HPSE2: variants seen among roughly 807,000 people sequenced by gnomAD.
The protein encoded by HPSE2 is heparanase 2 (inactive).
HPSE2 carries 38 observed loss-of-function variants against 60.5 expected under a neutral mutation model. That is an observed-to-expected ratio of 0.63 (90% CI 0.48 to 0.82). The LOEUF (loss-of-function observed/expected upper bound fraction) is 0.82. HPSE2 is among the 40% of genes least tolerant of loss of function. The pLI, the probability that HPSE2 is intolerant of heterozygous loss-of-function variation, is 0.00. For synonymous variants in HPSE2, 295 were observed against 293.2 expected, an observed-to-expected ratio of 1.01 and a Z score of -0.06; for missense variants, 713 against 740.4, an observed-to-expected ratio of 0.96 and a Z score of 0.43.
intron 7 of HPSE2, among the ~76,000 whole-genome samples, chr10:98,633,911 T>A (rs942604447): frequency 1.3e-5 from 2 of 152,218 alleles, no homozygotes; most frequent in African/African-American, 4.8e-5. Flanking sequence ...GCTTACATTC[T>A]TCATCATCAT....
chr10:98,600,615 G>C (rs1403870187), intron 9 of HPSE2, among the ~76,000 whole-genome samples: 1 of 151,744 alleles, frequency 6.6e-6, no homozygotes, highest in Non-Finnish European at 1.5e-5. Context: ...AGGAAAAAAA[G>C]ACAAACAGAT....
intron 3 of HPSE2, among the ~76,000 whole-genome samples, chr10:98,805,575 AT>A (rs1293662661): frequency 5.3e-5 from 8 of 152,198 alleles, no homozygotes; most frequent in Admixed American, 2.6e-4. Context: ...GATTAAAAAA[AT>A]AAAGAGATGG....
intron 4 of HPSE2, among the ~76,000 whole-genome samples, chr10:98,742,963 C>T (rs1855983): frequency 0.95 from 137,247 of 145,230 alleles, 65,331 homozygotes; most frequent in Non-Finnish European, 1. Flanking sequence ...TCTTTTTTTT[C>T]CTTTTCTTTT....
At chr10:98,953,369 C>T (rs964603370) in intron 3 of HPSE2, among the ~76,000 whole-genome samples, 5 of 152,158 alleles carry the variant, frequency 3.3e-5, no homozygotes, top group African/African-American at 7.2e-5. Context: ...ACTGTGACTA[C>T]GACCCTTTGG....
chr10:99,305,679 T>C, the HPSE2 span, among the ~76,000 whole-genome samples: 12 of 151,988 alleles, frequency 7.9e-5, no homozygotes, highest in African/African-American at 2.9e-4. Context: ...GACCCATAGG[T>C]CATACAGATA....
chr10:98,951,424 C>T (rs1955353654), intron 3 of HPSE2, among the ~76,000 whole-genome samples: 1 of 152,094 alleles, frequency 6.6e-6, no homozygotes, highest in Non-Finnish European at 1.5e-5. Context: ...AAGGAAGTGT[C>T]CCTCCTTTGC....
chr10:98,955,888 T>C (rs1955497741), intron 3 of HPSE2, among the ~76,000 whole-genome samples: 1 of 152,052 alleles, frequency 6.6e-6, no homozygotes, highest in African/African-American at 2.4e-5. Context: ...TTCTCACTTA[T>C]AAGTGGGAGC....
intron 2 of HPSE2, among the ~76,000 whole-genome samples, chr10:99,224,903 A>G (rs1200870313): frequency 5.3e-5 from 8 of 152,164 alleles, no homozygotes; most frequent in African/African-American, 1.9e-4. Flanking sequence ...TCCACAAGTA[A>G]TGGACCAGTA....
intron 11 of HPSE2, among the ~76,000 whole-genome samples, chr10:98,462,548 T>C (rs757156280): frequency 3.3e-5 from 5 of 152,230 alleles, no homozygotes; most frequent in Non-Finnish European, 7.3e-5. Context: ...ACCTGACTGC[T>C]CTGTGGTACT....
rs376674969 is a variant in HPSE2, at chr10:98,484,529, G to T, written c.1467-1747C>A. On this transcript the variant is annotated intron_variant, in intron 10 of 11. Coordinates refer to ENST00000370552, the MANE Select transcript of HPSE2 (RefSeq NM_021828.5). ...TGGGATTACAGGCGTTAGACACCATGCCCGGACACCTTTGCCTATTTTTCT... is the reference window on the plus strand; with the variant it reads ...TGGGATTACAGGCGTTAGACACCATTCCCGGACACCTTTGCCTATTTTTCT... 9.8e-5 allele frequency among the ~76,000 whole-genome samples: 15 copies of T among 152,322 alleles called. 1 individual carries two copies. The East Asian group carries it at 2.9e-3, about 29-fold the overall frequency.
At chr10:99,195,242 C>T (rs1452072829) in intron 2 of HPSE2, among the ~76,000 whole-genome samples, 2 of 151,900 alleles carry the variant, frequency 1.3e-5, no homozygotes, top group Middle Eastern at 3.2e-3. Flanking sequence ...CAATAAAAGC[C>T]ATATACAATA....
At chr10:99,013,673 T>C (rs1349586638) in intron 3 of HPSE2, 2 of 208,838 alleles carry the variant, frequency 9.6e-6, no homozygotes, top group East Asian at 1.6e-4. Flanking sequence ...GCCTTCACCA[T>C]GTTGGCTGGG....
chr10:99,119,533 T>A (rs1238049099), intron 3 of HPSE2, among the ~76,000 whole-genome samples: 1 of 152,160 alleles, frequency 6.6e-6, no homozygotes, highest in African/African-American at 2.4e-5. Flanking sequence ...AATTTATAGA[T>A]TCAATACTAT....
intron 3 of HPSE2, among the ~76,000 whole-genome samples, chr10:99,117,417 GAAAAAAAAAAA>G (rs1157232317): frequency 1.6e-4 from 4 of 24,802 alleles, no homozygotes; most frequent in Admixed American, 1.6e-3. Flanking sequence ...TTGTTTTTTT[GAAAAAAAAAAA>G]AAAAAAAAAA....
At chr10:98,983,146 G>A (rs772644092) in intron 3 of HPSE2, among the ~76,000 whole-genome samples, 1 of 152,268 alleles carries the variant, frequency 6.6e-6, no homozygotes, top group South Asian at 2.1e-4. Flanking sequence ...GCAGGGGATG[G>A]TTGCGGCATC....
chr10:99,044,963 G>A (rs941300635), intron 3 of HPSE2, among the ~76,000 whole-genome samples: 14 of 151,990 alleles, frequency 9.2e-5, no homozygotes, highest in Non-Finnish European at 1.8e-4. Flanking sequence ...GATCAAGGCA[G>A]AAAACTTACA....
intron 2 of HPSE2, among the ~76,000 whole-genome samples, chr10:99,158,653 A>G (rs2490927): frequency 0.84 from 119,652 of 142,302 alleles, 51,305 homozygotes; most frequent in South Asian, 0.97. Flanking sequence ...GTTAGATGAC[A>G]AGTTAGTGGG....
chr10:99,057,894 A>G (rs1368680250), intron 3 of HPSE2, among the ~76,000 whole-genome samples: 2 of 142,052 alleles, frequency 1.4e-5, no homozygotes, highest in Non-Finnish European at 3.0e-5. Flanking sequence ...TTACAAGACA[A>G]GTGAACGCTG....
intron 3 of HPSE2, among the ~76,000 whole-genome samples, chr10:98,983,953 C>T (rs1589461514): frequency 6.6e-6 from 1 of 152,182 alleles, no homozygotes; most frequent in African/African-American, 2.4e-5. Flanking sequence ...GGAGGGGCGA[C>T]CCTCATTGCC....
Sources: allele counts gnomAD v4.1 joint callset (sites outside exome capture counted in the v4.1 genomes callset), GRCh38; gene constraint gnomAD v4.1.1; transcripts MANE v1.5; gene names NCBI Gene and HGNC (gene_info 2026-07-23, HGNC 2026-07-21).